The following STXBP6 variants were observed in gnomAD, a reference collection of about 807,000 sequenced individuals.
The protein encoded by STXBP6 is syntaxin binding protein 6.
Under a neutral mutation model 26.9 loss-of-function variants are expected in STXBP6, and 21 were observed. The observed-to-expected ratio is 0.78, with a 90% CI of 0.55 to 1.12. The LOEUF (loss-of-function observed/expected upper bound fraction) is 1.12. STXBP6 is among the 50% of genes most tolerant of loss of function. The probability of loss-of-function intolerance (pLI) is 0.00; values close to 1 mark genes in which losing one functional copy is unlikely to be tolerated. For missense variants in STXBP6, 232 were observed against 257.9 expected, an observed-to-expected ratio of 0.90 and a Z score of 0.69; for synonymous variants, 97 against 92.6, an observed-to-expected ratio of 1.05 and a Z score of -0.27.
chr14:24,883,297 A>T (rs1407460297), intron 2 of STXBP6, among the ~76,000 whole-genome samples: 1 of 152,196 alleles, frequency 6.6e-6, no homozygotes, highest in Non-Finnish European at 1.5e-5. Context: ...ATAGGTTTAG[A>T]TTTACAAAAA....
At chr14:24,975,992 T>C (rs1051685085) in intron 1 of STXBP6, among the ~76,000 whole-genome samples, 1 of 152,196 alleles carries the variant, frequency 6.6e-6, no homozygotes, top group African/African-American at 2.4e-5. Context: ...AGATCCCGCA[T>C]ATGGATCAAC....
In STXBP6 at chr14:24,971,139, A is replaced by G. The variant is rs371346652; in HGVS notation, c.154+3526T>C. On this transcript the variant is annotated intron_variant, in intron 2 of 5. Coordinates refer to ENST00000323944, the MANE Select transcript of STXBP6 (RefSeq NM_001394410.1). Reference sequence around the variant, plus strand: ...TCCCACTCCAGCACCTTTTTCGGATACCTCCAGAGGATATTTAAACCGCTC... The same window carrying G: ...TCCCACTCCAGCACCTTTTTCGGATGCCTCCAGAGGATATTTAAACCGCTC... Among the ~76,000 whole-genome samples, 43 of 152,296 alleles carry G rather than the reference A, an allele frequency of 2.8e-4. 1 individual carries two copies. In the East Asian group the frequency reaches 6.8e-3, roughly 24 times the overall value.
chr14:24,900,806 C>T (rs1010877674), intron 2 of STXBP6, among the ~76,000 whole-genome samples: 1 of 152,198 alleles, frequency 6.6e-6, no homozygotes, highest in Non-Finnish European at 1.5e-5. Flanking sequence ...GAAGCATCAG[C>T]CTGTCCTATA....
intron 4 of STXBP6, among the ~76,000 whole-genome samples, chr14:24,838,711 G>A (rs2068698027): frequency 6.6e-6 from 1 of 151,742 alleles, no homozygotes; most frequent in Non-Finnish European, 1.5e-5. Flanking sequence ...AAGAAAAAAT[G>A]GCCAGTAACT....
At chr14:24,849,452 T>A (rs2139106194) in intron 4 of STXBP6, among the ~76,000 whole-genome samples, 1 of 152,234 alleles carries the variant, frequency 6.6e-6, no homozygotes, top group Admixed American at 6.6e-5. Context: ...AAAGAAGACT[T>A]GTGCTTATTA....
At chr14:25,043,389 A>T (rs964783860) in intron 1 of STXBP6, among the ~76,000 whole-genome samples, 4 of 152,088 alleles carry the variant, frequency 2.6e-5, no homozygotes, top group East Asian at 1.9e-4. Context: ...ATTTTTTTTT[A>T]AAAAAACAAA....
chr14:24,993,780 C>A (rs2074532427), intron 1 of STXBP6, among the ~76,000 whole-genome samples: 1 of 152,176 alleles, frequency 6.6e-6, no homozygotes, highest in South Asian at 2.1e-4. Context: ...GCACCAGCTG[C>A]CCATGCTTTA....
chr14:24,906,710 C>T lies in STXBP6; in HGVS notation c.155-49553G>A, dbSNP rs568898542. 3.9e-5 allele frequency among the ~76,000 whole-genome samples: 6 copies of T among 152,258 alleles called. No individual in the cohort carries two copies. In the South Asian group the frequency reaches 1.0e-3, roughly 26 times the overall value. On this transcript the variant is annotated intron_variant, in intron 2 of 5. Coordinates refer to ENST00000323944, the MANE Select transcript of STXBP6 (RefSeq NM_001394410.1). ...TCCATATCAAGTGGTTCCCTCACTACCGGCAATATTGCTAAGTCAAATTTC... is the reference window on the plus strand; with the variant it reads ...TCCATATCAAGTGGTTCCCTCACTATCGGCAATATTGCTAAGTCAAATTTC...
chr14:24,841,509 C>G (rs2068783396), intron 4 of STXBP6, among the ~76,000 whole-genome samples: 2 of 152,164 alleles, frequency 1.3e-5, no homozygotes, highest in Admixed American at 1.3e-4. Flanking sequence ...TACTGGTTTT[C>G]TGCCATTCTT....
At chr14:24,902,636 C>T (rs953450458) in intron 2 of STXBP6, among the ~76,000 whole-genome samples, 12 of 149,124 alleles carry the variant, frequency 8.0e-5, no homozygotes, top group Non-Finnish European at 1.5e-4. Flanking sequence ...TACTGAGTTA[C>T]GTAAACTATT....
intron 1 of STXBP6, among the ~76,000 whole-genome samples, chr14:25,031,669 A>G (rs1207363858): frequency 2.0e-5 from 3 of 152,038 alleles, no homozygotes; most frequent in African/African-American, 7.2e-5. Context: ...AATAAAAATG[A>G]GTGGTAATAA....
chr14:24,914,966 C>T (rs954854121), intron 2 of STXBP6, among the ~76,000 whole-genome samples: 1 of 152,156 alleles, frequency 6.6e-6, no homozygotes, highest in African/African-American at 2.4e-5. Context: ...ATTAGTCTCC[C>T]TCAGCTTTCA....
At chr14:24,826,712 A>G (rs1434609117) in intron 4 of STXBP6, among the ~76,000 whole-genome samples, 1 of 151,974 alleles carries the variant, frequency 6.6e-6, no homozygotes, top group Non-Finnish European at 1.5e-5. Context: ...CTTCTAAAAC[A>G]CACTATTTCT....
intron 1 of STXBP6, among the ~76,000 whole-genome samples, chr14:24,988,282 C>T (rs2074383761): frequency 6.6e-6 from 1 of 152,174 alleles, no homozygotes; most frequent in African/African-American, 2.4e-5. Flanking sequence ...ATTCAACAAA[C>T]ATTTAGTGAG....
chr14:24,874,489 G>A (rs1202145299), intron 2 of STXBP6, among the ~76,000 whole-genome samples: 1 of 151,970 alleles, frequency 6.6e-6, no homozygotes, highest in Non-Finnish European at 1.5e-5. Flanking sequence ...CACCCATGCC[G>A]TCTCAGCCAC....
At chr14:24,866,957 T>C (rs185019108) in intron 2 of STXBP6, among the ~76,000 whole-genome samples, 23 of 152,090 alleles carry the variant, frequency 1.5e-4, no homozygotes, top group African/African-American at 5.5e-4. Flanking sequence ...CAAAAACAAC[T>C]GTGGGAAAAA....
intron 2 of STXBP6, among the ~76,000 whole-genome samples, chr14:24,919,946 G>A (rs2071921743): frequency 6.6e-6 from 1 of 151,966 alleles, no homozygotes. Flanking sequence ...AATGACAGGA[G>A]CTTCATTTGT....
Position 24,813,203 on chromosome 14 carries a change from G to A in STXBP6, c.610-471C>T, listed in dbSNP as rs562969623. On this transcript the variant is annotated intron_variant, in intron 5 of 5. Coordinates refer to ENST00000323944, the MANE Select transcript of STXBP6 (RefSeq NM_001394410.1). ...CATCTATTTAATATGCAGCCTGGAC[G>A]TTCCACCAAGTCCACAGCCCTTCAC... is the stretch of plus-strand genomic sequence containing the variant. Among the ~76,000 whole-genome samples, 372 of 152,228 alleles carry A rather than the reference G, an allele frequency of 2.4e-3. 4 individuals carry two copies. Among genetic ancestry groups the A allele is most frequent in the Non-Finnish European group, 3.5e-3 (236 of 68,026 alleles).
chr14:25,030,636 C>T (rs1382824433), intron 1 of STXBP6, among the ~76,000 whole-genome samples: 1 of 152,086 alleles, frequency 6.6e-6, no homozygotes, highest in African/African-American at 2.4e-5. Context: ...CACAGATCAC[C>T]AGTTACATAT....
Sources: gnomAD v4.1 joint callset for allele counts (sites outside exome capture counted in the v4.1 genomes callset) on GRCh38, gnomAD v4.1.1 for gene constraint, MANE v1.5 for transcripts, NCBI Gene and HGNC (gene_info 2026-07-23, HGNC 2026-07-21) for gene names.